Variants in SMTN observed in about 807,000 individuals in gnomAD.
SMTN encodes smoothelin.
A neutral mutation model predicts 102.0 loss-of-function variants in SMTN; 58 were observed. The ratio of observed to expected loss-of-function variants is 0.57; its 90% CI spans 0.46 to 0.71. The LOEUF (loss-of-function observed/expected upper bound fraction) is 0.71. SMTN is among the 30% of genes least tolerant of loss of function. SMTN has a pLI of 0.00. For synonymous variants in SMTN, 478 were observed against 497.9 expected (o/e 0.96, Z 0.53); for missense variants, 1,185 against 1,241.7 (o/e 0.95, Z 0.69).
chr22:31,095,326 T>C lies in SMTN; in HGVS notation c.1656T>C (p.Pro552=). The C allele has an allele frequency of 6.2e-7, 1 of 1,613,992 alleles. No individual in the cohort carries two copies. Among genetic ancestry groups the C allele is most frequent in the Non-Finnish European group, 8.5e-7 (1 of 1,180,014 alleles). Residue 552 remains proline, a synonymous_variant, in exon 12 of 21, where the codon CCT becomes CCC. Transcript: ENST00000333137. The surrounding 1 kb of genome is among the most constrained non-coding windows in gnomAD (Gnocchi z 4.1). ...AGATGGAAGCAGAGCCAGCAGAGCCTCTCGCTGCAGCAGTGGAAGCGGCCA... is the reference window on the plus strand; with the variant it reads ...AGATGGAAGCAGAGCCAGCAGAGCCCCTCGCTGCAGCAGTGGAAGCGGCCA... ...SIKMEAEPAE[P]LAAAVEAANG... is the part of the protein sequence containing the mutation.
chr22:31,085,434 G>A (rs536107391), intron 2 of SMTN: 696 of 739,504 alleles, frequency 9.4e-4, no homozygotes, highest in Non-Finnish European at 1.4e-3. Flanking sequence ...AGCCTGGAGA[G>A]CCCCCTCCGT....
At chr22:31,091,602 G>A in intron 10 of SMTN, 73 bp from the exon 11 acceptor site, 1 of 1,520,536 alleles carries the variant, frequency 6.6e-7, no homozygotes, top group South Asian at 1.3e-5. Context: ...GGGAGCGAGG[G>A]CATTATCAAC....
chr22:31,098,961 G>T (rs2043852294), intron 17 of SMTN, 101 bp from the exon 18 acceptor site: 5 of 1,539,072 alleles, frequency 3.2e-6, no homozygotes, highest in East Asian at 2.2e-5. Flanking sequence ...TGGTGCAAAG[G>T]CCCGAAGGTC....
intron 20 of SMTN, chr22:31,101,434 C>A: frequency 5.8e-6 from 1 of 173,852 alleles, no homozygotes; most frequent in South Asian, 1.6e-4. Context: ...GAGCACAGCA[C>A]ATCAGGAAGG....
At chr22:31,078,886 AT>A (rs372624726), upstream of SMTN, among the ~76,000 whole-genome samples, 6 of 150,972 alleles carry the variant, frequency 4.0e-5, no homozygotes, top group African/African-American at 1.2e-4. Context: ...TCCAAAAAAA[AT>A]AAAATAAAAT....
Position 31,104,549 on chromosome 22 carries a change from C to A in SMTN, c.*254C>A. ...GTCTCCTGCCTGTGCGTCCGCCCACCGCTGCCCTGTCTGTTGCGACACCCT... is the reference window on the plus strand; with the variant it reads ...GTCTCCTGCCTGTGCGTCCGCCCACAGCTGCCCTGTCTGTTGCGACACCCT... On this transcript the variant is annotated 3_prime_UTR_variant, in exon 21 of 21. Transcript: ENST00000333137. The A allele has an allele frequency of 1.4e-6, 2 of 1,432,778 alleles. No individual in the cohort carries two copies. The highest frequency in any genetic ancestry group is 9.7e-7 in the Non-Finnish European group (1 of 1,032,242). 88.8% of individuals were successfully genotyped at this position (1,432,778 alleles called of 1,614,324 possible).
At chr22:31,067,628 CA>C (rs1426909206) in intron 1 of SMTN, 1 of 147,334 alleles carries the variant, frequency 6.8e-6, no homozygotes, top group Non-Finnish European at 1.5e-5. Flanking sequence ...GATCTTGGCT[CA>C]CTGCAAGCTC....
intron 1 of SMTN, among the ~76,000 whole-genome samples, chr22:31,069,336 T>C (rs1035917491): frequency 1.3e-5 from 2 of 152,142 alleles, no homozygotes; most frequent in African/African-American, 2.4e-5. Flanking sequence ...AGAGCGACCG[T>C]TCCCCACCTC....
At chr22:31,083,894 G>A (rs571289920) in intron 2 of SMTN, among the ~76,000 whole-genome samples, 183 of 152,342 alleles carry the variant, frequency 1.2e-3, no homozygotes, top group African/African-American at 2.9e-3. Context: ...AAGGCTGGAC[G>A]AGGCCATAAG....
At chr22:31,100,856 A>G (rs765170508) in intron 19 of SMTN, 29 bp from the exon 20 acceptor site, 1 of 239,712 alleles carries the variant, frequency 4.2e-6, no homozygotes, top group Non-Finnish European at 7.3e-6. Context: ...CCCGTCCCCC[A>G]CCCCTTCCCG....
At chr22:31,085,162 GTTCGACC>G (rs1569242219) in intron 2 of SMTN, 1 of 1,535,526 alleles carries the variant, frequency 6.5e-7, no homozygotes, top group Admixed American at 2.0e-5. Context: ...CCGAGTTCGA[GTTCGACC>G]TCCGCCACTC....
At chr22:31,090,722 G>A (rs1045248171) in intron 8 of SMTN, 86 bp from the exon 9 acceptor site, 1 of 1,067,632 alleles carries the variant, frequency 9.4e-7, no homozygotes, top group Non-Finnish European at 1.5e-6. Context: ...GAGGTGTAGA[G>A]GAGAGGATTA....
chr22:31,098,763 G>A lies in SMTN; in HGVS notation c.2256G>A (p.Ala752=), dbSNP rs778232914. ...QAEKKKELMK[A]QSLPKTSASQ... ...AGAAGAAGAAAGAGCTGATGAAGGCGCAGAGTCTGCCCAAGACCTCAGCCT... is the reference window on the plus strand; with the variant it reads ...AGAAGAAGAAAGAGCTGATGAAGGCACAGAGTCTGCCCAAGACCTCAGCCT... The change falls in exon 17 of 21, where the codon GCG becomes GCA. Residue 752 remains alanine (A), a synonymous_variant. Transcript: ENST00000333137. The A allele has an allele frequency of 2.2e-5, 35 of 1,613,038 alleles. No individual in the cohort carries two copies. The highest frequency in any genetic ancestry group is 1.6e-4 in the Middle Eastern group (1 of 6,082).
intron 1 of SMTN, chr22:31,065,125 T>C (rs567051424): frequency 4.5e-4 from 69 of 152,260 alleles, no homozygotes; most frequent in Non-Finnish European, 8.7e-4. Flanking sequence ...GGCAAGAATA[T>C]CACAGAAGTA....
chr22:31,083,080 G>T, intron 1 of SMTN, 99 bp from the exon 2 acceptor site: 1 of 1,498,540 alleles, frequency 6.7e-7, no homozygotes, highest in South Asian at 1.2e-5. Flanking sequence ...GGACAGTAAT[G>T]GACGCTCCTA....
At chr22:31,090,650 G>C (rs1242854755) in intron 8 of SMTN, among the ~76,000 whole-genome samples, 158 bp from the exon 9 acceptor site, 1 of 152,130 alleles carries the variant, frequency 6.6e-6, no homozygotes, top group Non-Finnish European at 1.5e-5. Flanking sequence ...GAGTGTGGGA[G>C]ATCCAGGAGG....
At chr22:31,099,021 C>T (rs1193106055) in intron 17 of SMTN, 41 bp from the exon 18 acceptor site, 1 of 1,583,562 alleles carries the variant, frequency 6.3e-7, no homozygotes, top group Non-Finnish European at 8.6e-7. Flanking sequence ...GAGGCATGCC[C>T]CTTATAGTCG....
rs1414033704 is a variant in SMTN at position 31,095,211 on chromosome 22, C to A, written c.1633-92C>A. ...AGTGGTTATTTCCAAGGCGTGCCAG[C>A]AACCCTAGGATCTGCTTCCCTATCC... On this transcript the variant is annotated intron_variant, in intron 11 of 20. Transcript: ENST00000333137. The surrounding 1 kb of genome is among the most constrained non-coding windows in gnomAD (Gnocchi z 4.1). 4 of 1,359,540 alleles carry A rather than the reference C, an allele frequency of 2.9e-6. No individual in the cohort carries two copies. Among genetic ancestry groups the A allele is most frequent in the Non-Finnish European group, 4.1e-6 (4 of 986,256 alleles). 84.2% of individuals were successfully genotyped at this position (1,359,540 alleles called of 1,614,324 possible). A position where few individuals can be genotyped will look rare whatever the true frequency, so the allele number is the denominator to read the frequency against.
chr22:31,097,201 A>G (rs2043664260), intron 15 of SMTN, 68 bp from the exon 16 acceptor site: 2 of 1,537,472 alleles, frequency 1.3e-6, no homozygotes, highest in Non-Finnish European at 1.8e-6. Flanking sequence ...CCCTCCATAC[A>G]GCCTCCCATC....
Sources: allele counts gnomAD v4.1 joint callset (sites outside exome capture counted in the v4.1 genomes callset), GRCh38; gene constraint gnomAD v4.1.1; non-coding constraint Gnocchi (gnomAD v3.1); transcripts MANE v1.5; gene names NCBI Gene and HGNC (gene_info 2026-07-23, HGNC 2026-07-21).